Variants in ZNF875 observed in about 807,000 individuals in gnomAD.
The protein encoded by ZNF875 is HKR1, GLI-Kruppel zinc finger family member.
ZNF875 carries 14 observed loss-of-function variants against 11.2 expected under a neutral mutation model. That is an observed-to-expected ratio of 1.26 (90% CI 0.83 to 1.96). The LOEUF is 1.96. Ranked by LOEUF, ZNF875 falls within the 30% of genes most tolerant of loss-of-function variation. The pLI is 0.00. For missense variants in ZNF875, 752 were observed against 760.4 expected (o/e 0.99, Z 0.13); for synonymous variants, 301 against 281.1 (o/e 1.07, Z -0.71).
chr19:37,349,112 C>T (rs2037370087), intron 4 of ZNF875, among the ~76,000 whole-genome samples: 1 of 152,092 alleles, frequency 6.6e-6, no homozygotes, highest in Non-Finnish European at 1.5e-5. Flanking sequence ...CTGCCTTCAT[C>T]TTCATATAGC....
chr19:37,327,518 A>G (rs948866129), intron 4 of ZNF875, among the ~76,000 whole-genome samples: 22 of 152,052 alleles, frequency 1.4e-4, no homozygotes, highest in Non-Finnish European at 3.2e-4. Flanking sequence ...CTGTTTTCCC[A>G]GCACTTTGGG....
chr19:37,359,285 G>A (rs2039498352), intron 4 of ZNF875: 1 of 161,816 alleles, frequency 6.2e-6, no homozygotes, highest in Non-Finnish European at 1.4e-5. Context: ...ACACCAGAAA[G>A]TTCTCATGTG....
chr19:37,326,460 A>T (rs148472237), intron 4 of ZNF875, among the ~76,000 whole-genome samples: 159 of 152,176 alleles, frequency 1.0e-3, no homozygotes, highest in Middle Eastern at 3.4e-3. Flanking sequence ...TTTCTGTCTT[A>T]CATTCAAGGG....
intron 1 of ZNF875, among the ~76,000 whole-genome samples, chr19:37,319,931 G>T (rs1189947944): frequency 6.6e-6 from 1 of 152,190 alleles, no homozygotes; most frequent in Non-Finnish European, 1.5e-5. Context: ...CTGTCACCCA[G>T]GCTGGAGTGT....
chr19:37,321,136 C>T (rs1359458809), intron 1 of ZNF875, among the ~76,000 whole-genome samples: 2 of 152,136 alleles, frequency 1.3e-5, no homozygotes, highest in African/African-American at 4.8e-5. Context: ...AGGTTTCTCC[C>T]CTTGTGATGG....
rs1762527773 is a variant in ZNF875, at chr19:37,335,916, T to G, written c.33+659T>G. ...TGAATTTTACCTTTGAGTTCATTCC[T>G]AGTCCTGGAAGAGTGCCTCGTTCTA... On this transcript the variant is annotated intron_variant, in intron 2 of 4. Transcript: ENST00000392153. 3.3e-5 allele frequency among the ~76,000 whole-genome samples: 5 copies of G among 152,222 alleles called. No individual in the cohort carries two copies. The South Asian group carries it at 1.0e-3, about 32-fold the overall frequency.
intron 2 of ZNF875, among the ~76,000 whole-genome samples, chr19:37,336,789 T>G (rs2034533229): frequency 6.6e-6 from 1 of 151,268 alleles, no homozygotes; most frequent in Non-Finnish European, 1.5e-5. Flanking sequence ...GCGCCTGTAG[T>G]CCCAGCTACT....
intron 4 of ZNF875, chr19:37,359,558 C>G (rs958546203): frequency 4.2e-5 from 10 of 236,084 alleles, no homozygotes; most frequent in Non-Finnish European, 7.9e-5. Context: ...TGCACACCAC[C>G]ACACCTGGCT....
chr19:37,314,347 C>T (rs1231577585), upstream of ZNF875, among the ~76,000 whole-genome samples: 11 of 152,106 alleles, frequency 7.2e-5, no homozygotes, highest in African/African-American at 2.4e-4. Context: ...AACTCCTGGG[C>T]TCAAATGATA....
chr19:37,348,153 T>C (rs954434726), intron 4 of ZNF875, among the ~76,000 whole-genome samples: 1 of 152,204 alleles, frequency 6.6e-6, no homozygotes, highest in Non-Finnish European at 1.5e-5. Context: ...CACCTGATCT[T>C]AAAAATTGCA....
At chr19:37,331,631 C>G (rs1233305018), upstream of ZNF875, among the ~76,000 whole-genome samples, 1 of 147,574 alleles carries the variant, frequency 6.8e-6, no homozygotes. Context: ...CAGCATGCTC[C>G]TTAAGAGTCA....
chr19:37,347,355 C>G, intron 3 of ZNF875, 39 bp downstream of exon 3: 1 of 1,584,438 alleles, frequency 6.3e-7, no homozygotes. Context: ...ATCTGCCCTA[C>G]AGAGTATTTT....
upstream of ZNF875, chr19:37,313,331 T>G (rs988817761): frequency 5.3e-5 from 8 of 152,324 alleles, no homozygotes; most frequent in African/African-American, 1.9e-4. Context: ...ATCTGTGCAC[T>G]TGGCGGGACC....
chr19:37,344,794 A>G, intron 2 of ZNF875: 2 of 1,375,428 alleles, frequency 1.5e-6, no homozygotes, highest in Non-Finnish European at 2.1e-6. Flanking sequence ...AATGTGTTAA[A>G]GTAACACTAA....
At chr19:37,314,551 A>G (rs2030100520), upstream of ZNF875, among the ~76,000 whole-genome samples, 1 of 151,616 alleles carries the variant, frequency 6.6e-6, no homozygotes, top group African/African-American at 2.4e-5. Context: ...TGGACTGGGT[A>G]TGGTGGCTCA....
At chr19:37,313,744 T>TTGTG (rs61062343), upstream of ZNF875, among the ~76,000 whole-genome samples, 725 of 150,178 alleles carry the variant, frequency 4.8e-3, 5 homozygotes, top group Middle Eastern at 0.01. Flanking sequence ...TACACATCCA[T>TTGTG]TGTGTGTGTG....
chr19:37,313,808 G>A (rs1214708510), upstream of ZNF875, among the ~76,000 whole-genome samples: 3 of 151,930 alleles, frequency 2.0e-5, no homozygotes, highest in Non-Finnish European at 4.4e-5. Context: ...ATTTTGGTAG[G>A]CAATGCAGTT....
intron 4 of ZNF875, among the ~76,000 whole-genome samples, chr19:37,360,786 G>A (rs903053195): frequency 1.4e-4 from 21 of 151,830 alleles, no homozygotes; most frequent in South Asian, 4.2e-4. Context: ...ATGAGCCACC[G>A]TGCCCAGCCT....
Position 37,363,339 on chromosome 19 carries a change from A to G in ZNF875, c.1487A>G (p.His496Arg). ...GFTRKSTLST[H>R]QRTHSGEKPF... is the part of the protein sequence containing the mutation. ...ACCCGGAAATCAACCCTGAGCACGC[A>G]CCAGAGGACACACTCAGGGGAGAAG... The change falls in exon 5 of 5, where the codon CAC becomes CGC. Residue 496 changes from histidine (H) to arginine (R), a missense_variant. Physicochemically the swap from His to Arg is conservative, Grantham distance 29. Coordinates refer to ENST00000392153, the MANE Select transcript of ZNF875 (RefSeq NM_001353803.2). 1 of 1,611,002 alleles carries G rather than the reference A, an allele frequency of 6.2e-7. No individual in the cohort carries two copies. The highest frequency in any genetic ancestry group is 1.1e-5 in the South Asian group (1 of 90,688).
Sources: allele counts gnomAD v4.1 joint callset (sites outside exome capture counted in the v4.1 genomes callset), GRCh38; gene constraint gnomAD v4.1.1; transcripts MANE v1.5; gene names NCBI Gene and HGNC (gene_info 2026-07-23, HGNC 2026-07-21).